The following PTPRZ1 variants were observed in gnomAD, a reference collection of about 807,000 sequenced individuals.
The protein encoded by PTPRZ1 is protein tyrosine phosphatase receptor type Z1.
In PTPRZ1, 82 loss-of-function variants were observed where a neutral mutation model predicts 214.1. That is an observed-to-expected ratio of 0.38 (90% confidence interval 0.32 to 0.46). The LOEUF (loss-of-function observed/expected upper bound fraction) is 0.46, where lower values mean the gene tolerates loss of function less well. Among genes scored for constraint, PTPRZ1 ranks in the 20% least tolerant of loss-of-function variants. The pLI is 1.00. For missense variants in PTPRZ1, 2,603 were observed against 2,748.7 expected, an observed-to-expected ratio of 0.95 and a Z score of 1.19; for synonymous variants, 945 against 987.9, an observed-to-expected ratio of 0.96 and a Z score of 0.81.
chr7:121,972,937 AG>A (rs910674239), intron 4 of PTPRZ1, among the ~76,000 whole-genome samples: 1 of 151,954 alleles, frequency 6.6e-6, no homozygotes, highest in Non-Finnish European at 1.5e-5. Context: ...GAATTAATGA[AG>A]GAAGGAAAAG....
At chr7:122,008,668 T>G (rs553541878) in intron 11 of PTPRZ1, among the ~76,000 whole-genome samples, 25 of 151,958 alleles carry the variant, frequency 1.6e-4, no homozygotes, top group Admixed American at 1.1e-3. Flanking sequence ...GATAGGAAAA[T>G]GAAGGTTTGA....
intron 6 of PTPRZ1, among the ~76,000 whole-genome samples, chr7:121,978,928 G>A (rs371846029): frequency 2.0e-5 from 3 of 151,948 alleles, no homozygotes; most frequent in East Asian, 3.9e-4. Flanking sequence ...CCAATAAACT[G>A]AAGGCTCCCC....
chr7:121,943,073 C>T (rs922378821), intron 2 of PTPRZ1, among the ~76,000 whole-genome samples: 1 of 152,098 alleles, frequency 6.6e-6, no homozygotes, highest in African/African-American at 2.4e-5. Flanking sequence ...GCTAAAATAT[C>T]ATGGATAGTT....
rs1318775936 is a variant in PTPRZ1, at chr7:122,003,715, T to C, written c.1241-899T>C. ...TATAATAATGCTCAAACCTCACAGT[T>C]ACTTTGTCTACCATTTTCCTAATGA... On this transcript the variant is annotated intron_variant, in intron 10 of 29. Coordinates refer to ENST00000393386, the MANE Select transcript of PTPRZ1 (RefSeq NM_002851.3). Among the ~76,000 whole-genome samples the C allele has an allele frequency of 2.0e-5, 3 of 152,202 alleles. No individual in the cohort carries two copies. In the East Asian group the frequency reaches 5.8e-4, roughly 29 times the overall value.
chr7:121,889,456 G>A (rs1794513795), intron 1 of PTPRZ1, among the ~76,000 whole-genome samples: 1 of 152,084 alleles, frequency 6.6e-6, no homozygotes, highest in Non-Finnish European at 1.5e-5. Flanking sequence ...CAATTTTGTT[G>A]CATTATATCC....
chr7:122,059,347 A>G (rs1190133047), intron 28 of PTPRZ1: 1 of 163,206 alleles, frequency 6.1e-6, no homozygotes, highest in Non-Finnish European at 1.3e-5. Context: ...CTAGGATTCC[A>G]TCATAGACAA....
chr7:122,021,388 C>A (rs1172705637), intron 13 of PTPRZ1, among the ~76,000 whole-genome samples: 3 of 151,980 alleles, frequency 2.0e-5, no homozygotes, highest in Non-Finnish European at 2.9e-5. Flanking sequence ...TTTTTCTTCA[C>A]AAATAACACT....
intron 2 of PTPRZ1, among the ~76,000 whole-genome samples, chr7:121,933,930 C>CT (rs1370927016): frequency 3.9e-5 from 6 of 152,034 alleles, no homozygotes; most frequent in Admixed American, 2.6e-4. Context: ...CAGACTGTTC[C>CT]TTTCTAATTT....
At chr7:122,002,697 G>C (rs1798366727) in intron 10 of PTPRZ1, among the ~76,000 whole-genome samples, 1 of 152,140 alleles carries the variant, frequency 6.6e-6, no homozygotes, top group Non-Finnish European at 1.5e-5. Flanking sequence ...CCCATTAAAA[G>C]TATGAAGTTA....
intron 2 of PTPRZ1, among the ~76,000 whole-genome samples, chr7:121,938,470 T>C (rs1227518326): frequency 6.6e-6 from 1 of 152,230 alleles, no homozygotes; most frequent in Non-Finnish European, 1.5e-5. Flanking sequence ...AAACTTCATA[T>C]TTTTGAGACA....
chr7:122,050,570 A>G (rs1308885307), intron 23 of PTPRZ1, among the ~76,000 whole-genome samples: 1 of 152,126 alleles, frequency 6.6e-6, no homozygotes, highest in East Asian at 1.9e-4. Flanking sequence ...TTTGCAGAAA[A>G]CTTAAATAAG....
chr7:122,000,852 A>G (rs1274629378), intron 10 of PTPRZ1, among the ~76,000 whole-genome samples: 3 of 150,496 alleles, frequency 2.0e-5, no homozygotes, highest in Non-Finnish European at 4.4e-5. Flanking sequence ...ACACCCAGCT[A>G]ATTTTGTATT....
At chr7:121,961,761 G>T (rs1392291574) in intron 2 of PTPRZ1, among the ~76,000 whole-genome samples, 1 of 152,242 alleles carries the variant, frequency 6.6e-6, no homozygotes, top group Non-Finnish European at 1.5e-5. Flanking sequence ...GCATGTAGAT[G>T]AAATAGGCAA....
At position 121,881,634 on chromosome 7, in the gene PTPRZ1, TTC is replaced by T. The variant is rs1262469720; in HGVS notation, c.58+8087_58+8088del. On this transcript the variant is annotated intron_variant, in intron 1 of 29. Coordinates refer to ENST00000393386, the MANE Select transcript of PTPRZ1 (RefSeq NM_002851.3). ...AGACAAAGGTCCTGGAAATTTTCCC[TTC>T]TCTCTCTCTTCTTAAGGCAGTTTCA... 2.6e-5 allele frequency among the ~76,000 whole-genome samples: 4 copies of T among 152,178 alleles called. No homozygotes were observed. In the South Asian group the frequency reaches 8.3e-4, roughly 31 times the overall value.
At position 121,999,529 on chromosome 7, in the gene PTPRZ1, G is replaced by A. The variant is rs185009606; in HGVS notation, c.1240+1523G>A. ...AAAAATCTCTTCTACCTTTATTTATGCATTTTGAGTATGAAGTATATTGAA... is the reference window on the plus strand; with the variant it reads ...AAAAATCTCTTCTACCTTTATTTATACATTTTGAGTATGAAGTATATTGAA... On this transcript the variant is annotated intron_variant, in intron 10 of 29. Coordinates refer to ENST00000393386, the MANE Select transcript of PTPRZ1 (RefSeq NM_002851.3). Among the ~76,000 whole-genome samples, 32 of 152,194 alleles carry A rather than the reference G, an allele frequency of 2.1e-4. No homozygotes were observed. The South Asian group carries it at 2.7e-3, about 13-fold the overall frequency.
chr7:121,916,861 C>T (rs1351557140), intron 1 of PTPRZ1, among the ~76,000 whole-genome samples: 1 of 152,184 alleles, frequency 6.6e-6, no homozygotes, highest in Non-Finnish European at 1.5e-5. Flanking sequence ...CTTAAGGCCT[C>T]ACTTTGGGGA....
In PTPRZ1 at chr7:122,061,175, A is replaced by G; in HGVS notation, c.6903A>G (p.Ala2301=). 1.2e-6 allele frequency: 2 copies of G among 1,609,556 alleles called. No individual in the cohort carries two copies. Among genetic ancestry groups the G allele is most frequent in the Non-Finnish European group, 1.7e-6 (2 of 1,177,256 alleles). The change falls in exon 30 of 30, where the codon GCA becomes GCG. Residue 2301 remains alanine (A), a synonymous_variant. Coordinates refer to ENST00000393386, the MANE Select transcript of PTPRZ1 (RefSeq NM_002851.3). ...CCTCTCTGGACAGTAATGGTGCAGCATTGCCTGATGGAAATATAGCTGAGA... is the reference window on the plus strand; with the variant it reads ...CCTCTCTGGACAGTAATGGTGCAGCGTTGCCTGATGGAAATATAGCTGAGA... ...PSTSLDSNGA[A]LPDGNIAESL...
intron 2 of PTPRZ1, 35 bp downstream of exon 2, chr7:121,928,256 A>T: frequency 6.7e-7 from 1 of 1,484,238 alleles, no homozygotes; most frequent in Non-Finnish European, 9.2e-7. Flanking sequence ...GATTTAGCAG[A>T]AACTTTTATT....
At chr7:121,908,942 G>A (rs1294491253) in intron 1 of PTPRZ1, 1 of 516,982 alleles carries the variant, frequency 1.9e-6, no homozygotes, top group Non-Finnish European at 3.9e-6. Flanking sequence ...TTTAGGATTT[G>A]CAGAATATTT....
Sources: gnomAD v4.1 joint callset for allele counts (sites outside exome capture counted in the v4.1 genomes callset) on GRCh38, gnomAD v4.1.1 for gene constraint, MANE v1.5 for transcripts, NCBI Gene and HGNC (gene_info 2026-07-23, HGNC 2026-07-21) for gene names.